The following GPHN variants were observed in gnomAD, a reference collection of about 807,000 sequenced individuals.
GPHN encodes the protein gephyrin.
GPHN carries 17 observed loss-of-function variants against 95.5 expected under a neutral mutation model. The ratio of observed to expected loss-of-function variants is 0.18; its 90% CI spans 0.12 to 0.27. GPHN has a LOEUF of 0.27. GPHN is among the 10% of genes least tolerant of loss of function. GPHN has a pLI of 1.00. For missense variants in GPHN, 660 were observed against 978.1 expected, an observed-to-expected ratio of 0.67 and a Z score of 4.34; for synonymous variants, 320 against 322.5, an observed-to-expected ratio of 0.99 and a Z score of 0.08.
chr14:66,727,993 A>G (rs1379934080), intron 2 of GPHN, among the ~76,000 whole-genome samples: 2 of 152,134 alleles, frequency 1.3e-5, no homozygotes, highest in African/African-American at 2.4e-5. Context: ...GGCTAGGCCC[A>G]TGGTCCCTGT....
At chr14:66,924,052 G>A in intron 7 of GPHN, 142 bp from the exon 8 acceptor site, 1 of 671,952 alleles carries the variant, frequency 1.5e-6, no homozygotes, top group Non-Finnish European at 2.7e-6. Context: ...AATCTAAGCT[G>A]ATTCTGTCAT....
intron 11 of GPHN, among the ~76,000 whole-genome samples, chr14:67,060,753 T>A (rs1292806982): frequency 6.6e-6 from 1 of 152,186 alleles, no homozygotes; most frequent in Non-Finnish European, 1.5e-5. Flanking sequence ...CTTTACAGTT[T>A]TTTTTCTTTG....
intron 1 of GPHN, among the ~76,000 whole-genome samples, chr14:66,594,306 A>C (rs1595149899): frequency 1.2e-5 from 1 of 84,252 alleles, no homozygotes; most frequent in South Asian, 4.3e-4. Context: ...CCAGAAATAG[A>C]AAAAAAAAAT....
intron 9 of GPHN, among the ~76,000 whole-genome samples, chr14:66,992,324 AT>A (rs1450720410): frequency 6.6e-6 from 1 of 152,178 alleles, no homozygotes; most frequent in African/African-American, 2.4e-5. Context: ...ACAATTATCT[AT>A]AAGTACTTAA....
intron 8 of GPHN, among the ~76,000 whole-genome samples, chr14:66,928,174 C>T (rs1019707370): frequency 2.6e-5 from 4 of 152,000 alleles, no homozygotes; most frequent in African/African-American, 9.7e-5. Context: ...CTTTTCTTTG[C>T]TGGGAGACTT....
At chr14:67,473,754 A>C in the GPHN span, 3 of 1,613,614 alleles carry the variant, frequency 1.9e-6, no homozygotes, top group Non-Finnish European at 2.5e-6. The surrounding 1 kb of genome is among the most constrained non-coding windows in gnomAD (Gnocchi z 6.5). Flanking sequence ...CACGATGAGG[A>C]TGGAGGTGCC....
the GPHN span, among the ~76,000 whole-genome samples, chr14:67,437,189 G>T: frequency 6.6e-6 from 1 of 152,224 alleles, no homozygotes; most frequent in Non-Finnish European, 1.5e-5. Flanking sequence ...TGTGTGAAAT[G>T]CTGTGCTGGG....
At chr14:66,621,397 G>A (rs2063294871) in intron 1 of GPHN, among the ~76,000 whole-genome samples, 1 of 149,286 alleles carries the variant, frequency 6.7e-6, no homozygotes, top group African/African-American at 2.5e-5. Context: ...TTACAGATGT[G>A]AGCCACAGTG....
At chr14:66,625,226 G>T (rs757488938) in intron 1 of GPHN, among the ~76,000 whole-genome samples, 2 of 151,950 alleles carry the variant, frequency 1.3e-5, no homozygotes, top group East Asian at 3.9e-4. Context: ...CTACAAACAC[G>T]CACCACCACA....
intron 1 of GPHN, among the ~76,000 whole-genome samples, chr14:66,676,856 C>G (rs1287141776): frequency 6.6e-6 from 1 of 151,824 alleles, no homozygotes; most frequent in Non-Finnish European, 1.5e-5. Flanking sequence ...GAATTTCCAC[C>G]TTTTTAATTT....
At chr14:67,013,786 TA>T (rs1295516458) in intron 9 of GPHN, among the ~76,000 whole-genome samples, 10 of 151,964 alleles carry the variant, frequency 6.6e-5, no homozygotes, top group Non-Finnish European at 1.3e-4. Context: ...AGGGTTTTTT[TA>T]ATGATCAAAT....
At chr14:67,388,271 A>T in the GPHN span, 2 of 1,613,438 alleles carry the variant, frequency 1.2e-6, no homozygotes, top group Non-Finnish European at 1.7e-6. Context: ...TGAACCACGA[A>T]GAGAAAACCC....
chr14:67,392,222 G>T, the GPHN span: 1 of 792,670 alleles, frequency 1.3e-6, no homozygotes, highest in Non-Finnish European at 2.2e-6. Flanking sequence ...TGCTGTAATT[G>T]GTGCCCTCCA....
chr14:67,476,201 G>A, the GPHN span, among the ~76,000 whole-genome samples: 8 of 152,360 alleles, frequency 5.3e-5, no homozygotes, highest in East Asian at 5.8e-4. Flanking sequence ...TTCAGCTGAA[G>A]CAGGCCTGGT....
the GPHN span, among the ~76,000 whole-genome samples, chr14:67,502,282 G>A: frequency 6.6e-6 from 1 of 151,422 alleles, no homozygotes; most frequent in Non-Finnish European, 1.5e-5. Context: ...AGTGAGCCGA[G>A]ATCGTGCCAT....
At chr14:67,188,265 G>T in the GPHN span, among the ~76,000 whole-genome samples, 1 of 152,034 alleles carries the variant, frequency 6.6e-6, no homozygotes, top group African/African-American at 2.4e-5. Flanking sequence ...TTTATATTTT[G>T]TGCATCTTTA....
chr14:66,935,804 T>C (rs1175299333), intron 8 of GPHN, among the ~76,000 whole-genome samples: 1 of 152,080 alleles, frequency 6.6e-6, no homozygotes, highest in African/African-American at 2.4e-5. Flanking sequence ...ATGAGGATTT[T>C]GAGATATTAA....
intron 2 of GPHN, among the ~76,000 whole-genome samples, chr14:66,692,510 C>T (rs2067848130): frequency 1.3e-5 from 2 of 152,158 alleles, no homozygotes; most frequent in African/African-American, 4.8e-5. Flanking sequence ...CTCCAACCTA[C>T]GTCTCTCTAA....
At chr14:66,970,022 C>T (rs577578860) in intron 9 of GPHN, among the ~76,000 whole-genome samples, 25 of 149,642 alleles carry the variant, frequency 1.7e-4, no homozygotes, top group Admixed American at 1.5e-3. Flanking sequence ...TCTATAGTCA[C>T]ATATGTTCCT....
Sources: allele counts gnomAD v4.1 joint callset (sites outside exome capture counted in the v4.1 genomes callset), GRCh38; gene constraint gnomAD v4.1.1; non-coding constraint Gnocchi (gnomAD v3.1); transcripts MANE v1.5; gene names NCBI Gene and HGNC (gene_info 2026-07-23, HGNC 2026-07-21).